Variants in WBP1L observed in about 807,000 individuals in gnomAD.
WBP1L encodes the protein WW domain binding protein 1 like.
WBP1L carries 17 observed loss-of-function variants against 33.7 expected under a neutral mutation model. That is an observed-to-expected ratio of 0.50 (90% CI 0.34 to 0.76). WBP1L has a LOEUF of 0.76. Among genes scored for constraint, WBP1L ranks in the 30% least tolerant of loss-of-function variants. The probability of loss-of-function intolerance (pLI) is 0.01; values close to 1 mark genes in which losing one functional copy is unlikely to be tolerated. For synonymous variants in WBP1L, 173 were observed against 190.8 expected (o/e 0.91, Z 0.77); for missense variants, 389 against 469.4 (o/e 0.83, Z 1.58).
At chr10:102,744,810 A>C (rs1370181872) in intron 1 of WBP1L, among the ~76,000 whole-genome samples, 1 of 152,182 alleles carries the variant, frequency 6.6e-6, no homozygotes, top group Non-Finnish European at 1.5e-5. Flanking sequence ...CAAGTCACGG[A>C]TGCTGATCTG....
In WBP1L at chr10:102,781,276, G is replaced by C. The variant is rs531624419; in HGVS notation, c.91-16717G>C. Among the ~76,000 whole-genome samples the C allele has an allele frequency of 3.4e-4, 52 of 152,216 alleles. 1 individual carries two copies. Among genetic ancestry groups the C allele is most frequent in the African/African-American group, 1.1e-3 (47 of 41,456 alleles). Reference sequence around the variant, plus strand: ...GGAGCCATGACTGTGGAGAGGGAAGGGGGGGAATTGCCGGCTTCCAATTTA... The same window carrying C: ...GGAGCCATGACTGTGGAGAGGGAAGCGGGGGAATTGCCGGCTTCCAATTTA... On this transcript the variant is annotated intron_variant, in intron 1 of 3. Transcript: ENST00000448841.
At chr10:102,800,107 A>G (rs1034367010) in intron 2 of WBP1L, among the ~76,000 whole-genome samples, 2 of 152,162 alleles carry the variant, frequency 1.3e-5, no homozygotes, top group African/African-American at 4.8e-5. Flanking sequence ...TGAGAAACTT[A>G]CTAGAGGACA....
At chr10:102,750,283 T>G (rs1842912465) in intron 1 of WBP1L, among the ~76,000 whole-genome samples, 1 of 150,994 alleles carries the variant, frequency 6.6e-6, no homozygotes. Flanking sequence ...TAATCCCAGC[T>G]ACTCAGGAGG....
At chr10:102,752,679 G>A (rs1276987473) in intron 1 of WBP1L, among the ~76,000 whole-genome samples, 1 of 152,168 alleles carries the variant, frequency 6.6e-6, no homozygotes, top group Non-Finnish European at 1.5e-5. Flanking sequence ...TCTGAACTGA[G>A]TCATGTTCTT....
intron 3 of WBP1L, among the ~76,000 whole-genome samples, chr10:102,811,357 T>C (rs774136691): frequency 9.9e-5 from 15 of 152,282 alleles, no homozygotes; most frequent in Non-Finnish European, 1.8e-4. Context: ...CCAAGAAACT[T>C]AGTGACTCTC....
intron 1 of WBP1L, among the ~76,000 whole-genome samples, chr10:102,785,612 C>T (rs1382798743): frequency 1.3e-5 from 2 of 152,184 alleles, no homozygotes; most frequent in Non-Finnish European, 2.9e-5. Context: ...GGCAGTGATA[C>T]AACTGTGGGA....
chr10:102,744,558 A>G, intron 1 of WBP1L: 4 of 906,662 alleles, frequency 4.4e-6, no homozygotes, highest in Non-Finnish European at 5.3e-6. Context: ...GGGGATCCTG[A>G]GGATATTTCT....
intron 1 of WBP1L, among the ~76,000 whole-genome samples, chr10:102,784,879 T>C (rs1843392879): frequency 2.7e-5 from 1 of 36,772 alleles, no homozygotes; most frequent in African/African-American, 6.1e-5. Context: ...TTTCTTTTTT[T>C]TTTTTTTTTA....
chr10:102,744,261 G>A, intron 1 of WBP1L, 118 bp downstream of exon 1: 1 of 1,288,840 alleles, frequency 7.8e-7, no homozygotes, highest in East Asian at 2.8e-5. Flanking sequence ...GGGCGTCTAT[G>A]CCTGGCGTGG....
At position 102,744,063 on chromosome 10, in the gene WBP1L, A is replaced by G. The variant is rs1842829969; in HGVS notation, c.10A>G (p.Arg4Gly). ...CAGGAGCAGGAGGGGGATGGAGAGG[A>G]GAAGGCTCCTGGGTGGCATGGCGCT... MER[R>G]RLLGGMALLL... Residue 4 changes from arginine to glycine, a missense_variant, in exon 1 of 4, where the codon AGA (arginine) becomes GGA (glycine). Transcript: ENST00000448841. 2 of 1,551,112 alleles carry G rather than the reference A, an allele frequency of 1.3e-6. No individual in the cohort carries two copies. Among genetic ancestry groups the G allele is most frequent in the African/African-American group, 2.7e-5 (2 of 72,906 alleles).
At chr10:102,776,187 C>T in intron 1 of WBP1L, 1 of 1,453,468 alleles carries the variant, frequency 6.9e-7, no homozygotes, top group Non-Finnish European at 9.1e-7. Context: ...TGGGCCAGAG[C>T]CAGGCAGGGG....
intron 1 of WBP1L, among the ~76,000 whole-genome samples, chr10:102,790,549 C>T (rs1468025264): frequency 1.3e-5 from 2 of 152,116 alleles, no homozygotes; most frequent in African/African-American, 4.8e-5. Context: ...CTCTCACTGT[C>T]GCCCAGGCTG....
At chr10:102,805,245 C>T (rs967366034) in intron 2 of WBP1L, among the ~76,000 whole-genome samples, 2 of 152,130 alleles carry the variant, frequency 1.3e-5, no homozygotes, top group African/African-American at 4.8e-5. Flanking sequence ...CTCTACTGTA[C>T]TCCAGCCTGG....
At chr10:102,750,415 T>C (rs533539583) in intron 1 of WBP1L, among the ~76,000 whole-genome samples, 137 of 152,148 alleles carry the variant, frequency 9.0e-4, no homozygotes, top group Non-Finnish European at 1.5e-3. Flanking sequence ...AAAAAAACTT[T>C]ATTGAGGTAA....
chr10:102,812,877 C>T lies in WBP1L; in HGVS notation c.638C>T (p.Pro213Leu), dbSNP rs996765932. The T allele has an allele frequency of 6.4e-7, 1 of 1,573,444 alleles. No homozygotes were observed. The highest frequency in any genetic ancestry group is 1.2e-5 in the South Asian group (1 of 84,928). ...LPVDRAATKA[P>L]GMEPSGSVAG... ...GTTGACCGAGCAGCCACCAAAGCCCCAGGGATGGAGCCCAGTGGCTCTGTG... is the reference window on the plus strand; with the variant it reads ...GTTGACCGAGCAGCCACCAAAGCCCTAGGGATGGAGCCCAGTGGCTCTGTG... Residue 213 changes from proline to leucine, a missense_variant, in exon 4 of 4, where the codon CCA becomes CTA. Physicochemically the swap from Pro to Leu is moderately conservative, Grantham distance 98. Coordinates refer to ENST00000448841, the MANE Select transcript of WBP1L (RefSeq NM_001083913.2).
At chr10:102,768,711 A>G (rs1376155536) in intron 1 of WBP1L, among the ~76,000 whole-genome samples, 14 of 113,328 alleles carry the variant, frequency 1.2e-4, no homozygotes, top group African/African-American at 1.4e-4. Context: ...TTTTTGAGAC[A>G]GAGTCTCGCT....
intron 1 of WBP1L, among the ~76,000 whole-genome samples, chr10:102,751,322 CTTT>C (rs71019611): frequency 2.1e-5 from 3 of 141,458 alleles, no homozygotes; most frequent in Admixed American, 7.1e-5. Context: ...TTTTTCTTTC[CTTT>C]TTTTTTTTTT....
At chr10:102,776,098 G>T (rs558253938) in intron 1 of WBP1L, 12 of 985,080 alleles carry the variant, frequency 1.2e-5, no homozygotes, top group Non-Finnish European at 1.3e-5. Context: ...TTTCTGCTGC[G>T]CCTGAACTGA....
intron 1 of WBP1L, chr10:102,746,146 G>T (rs1264824354): frequency 5.3e-5 from 52 of 985,256 alleles, no homozygotes; most frequent in Non-Finnish European, 6.3e-5. Context: ...GAAAGTGGAG[G>T]TTCCTACCAG....
Sources: gnomAD v4.1 joint callset for allele counts (sites outside exome capture counted in the v4.1 genomes callset) on GRCh38, gnomAD v4.1.1 for gene constraint, MANE v1.5 for transcripts, NCBI Gene and HGNC (gene_info 2026-07-23, HGNC 2026-07-21) for gene names.